The following OXR1 variants were observed in gnomAD, a reference collection of about 807,000 sequenced individuals.
OXR1 encodes the protein oxidation resistance protein 1.
OXR1 carries 41 observed loss-of-function variants against 104.6 expected under a neutral mutation model. The ratio of observed to expected loss-of-function variants is 0.39; its 90% CI spans 0.31 to 0.51. The LOEUF is 0.51. Ranked by LOEUF, OXR1 falls within the 20% of genes least tolerant of loss-of-function variation. The pLI is 0.77. For synonymous variants in OXR1, 348 were observed against 348.4 expected (o/e 1.00, Z 0.01); for missense variants, 955 against 1,031.9 (o/e 0.93, Z 1.02).
At chr8:106,312,892 C>A (rs16874360) in intron 1 of OXR1, among the ~76,000 whole-genome samples, 12,675 of 152,172 alleles carry the variant, frequency 0.083, 604 homozygotes, top group African/African-American at 0.12. Flanking sequence ...AGTGTTTCAT[C>A]TGGGTAGGCC....
intron 3 of OXR1, among the ~76,000 whole-genome samples, chr8:106,522,379 A>C (rs1258030854): frequency 6.6e-6 from 1 of 152,210 alleles, no homozygotes; most frequent in African/African-American, 2.4e-5. Flanking sequence ...AAGTTATAGA[A>C]ATAGTTGTTA....
At chr8:106,456,760 G>A (rs1334046168) in intron 2 of OXR1, among the ~76,000 whole-genome samples, 3 of 152,096 alleles carry the variant, frequency 2.0e-5, no homozygotes, top group Non-Finnish European at 4.4e-5. Flanking sequence ...CTTTGAACTG[G>A]TCATGAAATG....
intron 2 of OXR1, among the ~76,000 whole-genome samples, chr8:106,397,706 A>T (rs1042380615): frequency 2.0e-5 from 3 of 152,090 alleles, no homozygotes; most frequent in African/African-American, 7.2e-5. Flanking sequence ...ATAAATCAAC[A>T]ATTTCTTTTA....
chr8:106,276,065 C>T lies in OXR1; in HGVS notation c.-139+5698C>T, dbSNP rs138033484. On this transcript the variant is annotated intron_variant, in intron 1 of 16. Coordinates refer to ENST00000517566, the MANE Select transcript of OXR1 (RefSeq NM_001198533.2). ...CTCTGGATTATTCATTATGTGATGC[C>T]GTTTGGAATCTGAATCCTGGGCTCA... is the stretch of plus-strand genomic sequence containing the variant. 9.7e-3 allele frequency among the ~76,000 whole-genome samples: 1,480 copies of T among 152,122 alleles called. 15 individuals are homozygous for T. The highest frequency in any genetic ancestry group is 0.032 in the African/African-American group (1,339 of 41,482).
intron 6 of OXR1, 75 bp downstream of exon 6, chr8:106,684,434 A>G: frequency 2.7e-6 from 2 of 751,940 alleles, no homozygotes; most frequent in South Asian, 1.5e-5. Flanking sequence ...TGTTTTTTAC[A>G]TTCCATTTTG....
rs760185933 is a variant in OXR1 at position 106,739,588 on chromosome 8, G to C, written c.2163+5G>C. On this transcript the variant is annotated splice_donor_5th_base_variant and intron_variant, in intron 13 of 16. Coordinates refer to ENST00000517566, the MANE Select transcript of OXR1 (RefSeq NM_001198533.2). ...CTGCCAGATCAAATTGAAAAGGTAT[G>C]ACATGCTCACATATGTGCATTTCTG... 1.6e-5 allele frequency: 25 copies of C among 1,612,666 alleles called. No individual in the cohort carries two copies. In the South Asian group the frequency reaches 2.7e-4, roughly 18 times the overall value.
intron 1 of OXR1, among the ~76,000 whole-genome samples, chr8:106,306,952 G>A (rs1444466348): frequency 6.6e-6 from 1 of 152,182 alleles, no homozygotes; most frequent in Non-Finnish European, 1.5e-5. Flanking sequence ...GCCAAAGGGA[G>A]AGAAATAAAA....
chr8:106,424,335 T>C (rs1819025181), intron 2 of OXR1, among the ~76,000 whole-genome samples: 1 of 152,208 alleles, frequency 6.6e-6, no homozygotes, highest in South Asian at 2.1e-4. Flanking sequence ...TTTAACATTT[T>C]ATATGTATTT....
At chr8:106,433,952 G>A (rs1459442886) in intron 2 of OXR1, among the ~76,000 whole-genome samples, 1 of 152,112 alleles carries the variant, frequency 6.6e-6, no homozygotes, top group Non-Finnish European at 1.5e-5. Flanking sequence ...CATGATAATA[G>A]TGATTGCGTT....
intron 3 of OXR1, among the ~76,000 whole-genome samples, chr8:106,667,500 C>G (rs1005048476): frequency 5.9e-5 from 9 of 152,070 alleles, no homozygotes; most frequent in Admixed American, 5.9e-4. Context: ...GTTGAGGTGA[C>G]TTACAATGAA....
chr8:106,746,988 G>T (rs1835447847), intron 16 of OXR1, among the ~76,000 whole-genome samples: 1 of 152,128 alleles, frequency 6.6e-6, no homozygotes, highest in East Asian at 1.9e-4. Context: ...ATTTCACCAA[G>T]CTAGAGTAAC....
chr8:106,667,246 G>A (rs1262883050), intron 3 of OXR1, among the ~76,000 whole-genome samples: 1 of 152,054 alleles, frequency 6.6e-6, no homozygotes, highest in African/African-American at 2.4e-5. Flanking sequence ...AGTTTCTTAC[G>A]GAATTCTAAT....
intron 1 of OXR1, among the ~76,000 whole-genome samples, chr8:106,307,623 A>G (rs1265845739): frequency 6.6e-6 from 1 of 151,916 alleles, no homozygotes; most frequent in Non-Finnish European, 1.5e-5. Context: ...AAAGCATCCT[A>G]AGGGCAGGAA....
Position 106,400,669 on chromosome 8 carries a change from G to C in OXR1, c.23+41033G>C, listed in dbSNP as rs986317648. On this transcript the variant is annotated intron_variant, in intron 2 of 16. Coordinates refer to ENST00000517566, the MANE Select transcript of OXR1 (RefSeq NM_001198533.2). ...TGAATTATAACATCCAATTTAGACT[G>C]GGAAAATAAATAAGACTTAAATTTG... Among the ~76,000 whole-genome samples the C allele has an allele frequency of 2.0e-5, 3 of 152,170 alleles. No individual in the cohort carries two copies. In the South Asian group the frequency reaches 6.2e-4, roughly 32 times the overall value.
At chr8:106,296,349 T>C (rs1175889711) in intron 1 of OXR1, among the ~76,000 whole-genome samples, 1 of 152,178 alleles carries the variant, frequency 6.6e-6, no homozygotes, top group Non-Finnish European at 1.5e-5. Context: ...TAGGTATTGA[T>C]AATGATGATG....
intron 2 of OXR1, among the ~76,000 whole-genome samples, chr8:106,398,848 T>C (rs1049698664): frequency 1.3e-5 from 2 of 152,178 alleles, no homozygotes; most frequent in Non-Finnish European, 2.9e-5. Context: ...AGCTATTTGC[T>C]ATTCTTCTTT....
At chr8:106,638,974 T>C (rs1823402174) in intron 3 of OXR1, among the ~76,000 whole-genome samples, 1 of 152,172 alleles carries the variant, frequency 6.6e-6, no homozygotes, top group Non-Finnish European at 1.5e-5. Flanking sequence ...GGCTTTTTTC[T>C]TTCAGCAGCT....
At chr8:106,317,050 A>G (rs1813996941) in intron 1 of OXR1, among the ~76,000 whole-genome samples, 1 of 152,032 alleles carries the variant, frequency 6.6e-6, no homozygotes, top group African/African-American at 2.4e-5. Context: ...TTGAATTTTA[A>G]GAGCAATAGT....
intron 3 of OXR1, among the ~76,000 whole-genome samples, chr8:106,527,285 G>T (rs1813755590): frequency 6.6e-6 from 1 of 152,066 alleles, no homozygotes; most frequent in East Asian, 1.9e-4. Flanking sequence ...TATGAATGAA[G>T]CACCATGGTA....
Sources: allele counts gnomAD v4.1 joint callset (sites outside exome capture counted in the v4.1 genomes callset), GRCh38; gene constraint gnomAD v4.1.1; transcripts MANE v1.5; gene names NCBI Gene and HGNC (gene_info 2026-07-23, HGNC 2026-07-21).